The following ADGRG6 variants were observed in gnomAD, a reference collection of about 807,000 sequenced individuals.
ADGRG6 encodes G-protein coupled receptor 126.
A neutral mutation model predicts 142.4 loss-of-function variants in ADGRG6; 84 were observed. That is an observed-to-expected ratio of 0.59 (90% CI 0.49 to 0.71). ADGRG6 has a LOEUF of 0.71. ADGRG6 is among the 30% of genes least tolerant of loss of function. The pLI, the probability that ADGRG6 is intolerant of heterozygous loss-of-function variation, is 0.00. For missense variants in ADGRG6, 1,367 were observed against 1,466.6 expected (o/e 0.93, Z 1.11); for synonymous variants, 521 against 520.5 (o/e 1.00, Z -0.01).
chr6:142,371,267 A>G (rs1184378624), intron 4 of ADGRG6, among the ~76,000 whole-genome samples: 1 of 150,708 alleles, frequency 6.6e-6, no homozygotes, highest in African/African-American at 2.4e-5. Flanking sequence ...GGTTTAAGAA[A>G]TTCTCATGCC....
chr6:142,419,018 G>C (rs991733461), intron 21 of ADGRG6, among the ~76,000 whole-genome samples: 3 of 151,954 alleles, frequency 2.0e-5, no homozygotes, highest in Non-Finnish European at 4.4e-5. Context: ...TGTAATCATT[G>C]TAAGCTACGT....
intron 1 of ADGRG6, among the ~76,000 whole-genome samples, chr6:142,303,765 GA>G (rs1426310681): frequency 2.6e-5 from 4 of 151,548 alleles, no homozygotes; most frequent in Non-Finnish European, 4.4e-5. Flanking sequence ...GATCTTATGA[GA>G]AAAAAAGCAT....
chr6:142,307,843 T>TTAATTTTAGTTTAGAA (rs1352537744), intron 1 of ADGRG6, among the ~76,000 whole-genome samples: 4 of 152,050 alleles, frequency 2.6e-5, no homozygotes, highest in African/African-American at 9.7e-5. Context: ...TGGTTTCGAA[T>TTAATTTTAGTTTAGAA]TTTCCTAGTT....
intron 7 of ADGRG6, 100 bp from the exon 8 acceptor site, chr6:142,392,848 G>C: frequency 1.3e-6 from 1 of 753,960 alleles, no homozygotes; most frequent in African/African-American, 1.7e-5. Context: ...ATTTTCCCAG[G>C]GTCTTATCTC....
intron 2 of ADGRG6, among the ~76,000 whole-genome samples, chr6:142,336,115 G>A (rs919285931): frequency 6.6e-6 from 1 of 152,144 alleles, no homozygotes; most frequent in Admixed American, 6.5e-5. Flanking sequence ...GTGCCTCTCT[G>A]TGTGCAGGTC....
intron 6 of ADGRG6, among the ~76,000 whole-genome samples, chr6:142,384,811 G>C (rs946845408): frequency 2.6e-5 from 4 of 152,012 alleles, no homozygotes; most frequent in African/African-American, 9.7e-5. Context: ...AATTTCCTCT[G>C]TAGGACATTT....
At chr6:142,400,429 C>T (rs957275629) in intron 10 of ADGRG6, 56 bp from the exon 11 acceptor site, 1 of 858,616 alleles carries the variant, frequency 1.2e-6, no homozygotes, top group African/African-American at 1.7e-5. Flanking sequence ...CATCTCTAAT[C>T]TCTAACTTTA....
In ADGRG6 at chr6:142,302,347, C is replaced by G. The variant is rs770793393; in HGVS notation, c.2+16C>G. On this transcript the variant is annotated intron_variant, in intron 1 of 24. Coordinates refer to ENST00000367609, the MANE Select transcript of ADGRG6 (RefSeq NM_198569.3). The stretch of plus-strand genomic sequence containing the variant: ...ATGTCAACATGTAAGTCTCACCTTT[C>G]AGCTTGGAATTCCTTCACTCTTTTA... 1.2e-6 allele frequency: 2 copies of G among 1,612,206 alleles called. No homozygotes were observed. Among genetic ancestry groups the G allele is most frequent in the African/African-American group, 2.7e-5 (2 of 74,834 alleles).
At chr6:142,347,344 G>T (rs1200050517) in intron 2 of ADGRG6, among the ~76,000 whole-genome samples, 2 of 152,068 alleles carry the variant, frequency 1.3e-5, no homozygotes, top group African/African-American at 4.8e-5. Context: ...TCACTGTATT[G>T]GGACTATCTC....
chr6:142,443,321 G>T lies in ADGRG6; in HGVS notation c.3575-16G>T. ...CAGCTCATCTTGAACCTAATTTCTTGTATCATTTCTTGCAGACAGTGCTTC... is the reference window on the plus strand; with the variant it reads ...CAGCTCATCTTGAACCTAATTTCTTTTATCATTTCTTGCAGACAGTGCTTC... On this transcript the variant is annotated splice_polypyrimidine_tract_variant and intron_variant, in intron 24 of 24. Transcript: ENST00000367609. The T allele has an allele frequency of 3.8e-6, 6 of 1,596,754 alleles. No individual in the cohort carries two copies. Among genetic ancestry groups the T allele is most frequent in the Non-Finnish European group, 5.1e-6 (6 of 1,168,764 alleles).
chr6:142,365,665 G>A (rs1215285745), intron 2 of ADGRG6, among the ~76,000 whole-genome samples: 1 of 152,130 alleles, frequency 6.6e-6, no homozygotes, highest in Non-Finnish European at 1.5e-5. Context: ...CTTCGGTCTT[G>A]TACAAGATGT....
chr6:142,395,494 C>T (rs1222072263), intron 9 of ADGRG6, among the ~76,000 whole-genome samples: 1 of 152,148 alleles, frequency 6.6e-6, no homozygotes, highest in Non-Finnish European at 1.5e-5. Flanking sequence ...CTTCTACTAC[C>T]TGGTGATACT....
intron 14 of ADGRG6, chr6:142,404,230 G>C (rs1048650078): frequency 4.4e-5 from 19 of 436,162 alleles, no homozygotes; most frequent in African/African-American, 3.9e-4. Flanking sequence ...ATGAGTAGGG[G>C]CCACCATACT....
At chr6:142,360,005 A>G (rs1780639675) in intron 2 of ADGRG6, among the ~76,000 whole-genome samples, 1 of 152,182 alleles carries the variant, frequency 6.6e-6, no homozygotes, top group Non-Finnish European at 1.5e-5. Context: ...TCCAAGAGAG[A>G]AAGGATGAGA....
intron 22 of ADGRG6, among the ~76,000 whole-genome samples, chr6:142,425,746 G>T (rs563068519): frequency 5.3e-5 from 8 of 152,164 alleles, no homozygotes; most frequent in African/African-American, 1.9e-4. Flanking sequence ...ACCAGAGACT[G>T]GGCAATTTAC....
chr6:142,383,917 A>G (rs939267504), intron 6 of ADGRG6, 74 bp downstream of exon 6: 5 of 770,638 alleles, frequency 6.5e-6, no homozygotes, highest in Admixed American at 2.0e-5. Context: ...GGAAATATGT[A>G]TTATTCCAAC....
At chr6:142,400,637 A>G in intron 11 of ADGRG6, 41 bp downstream of exon 11, 2 of 1,003,236 alleles carry the variant, frequency 2.0e-6, no homozygotes, top group East Asian at 2.4e-5. Context: ...GCTACATGTT[A>G]TCAGCCTTCC....
intron 4 of ADGRG6, among the ~76,000 whole-genome samples, chr6:142,377,491 A>G (rs554156407): frequency 4.6e-5 from 7 of 152,322 alleles, no homozygotes; most frequent in African/African-American, 1.4e-4. Flanking sequence ...TGATGTAAAC[A>G]CTTGTGGGGC....
intron 6 of ADGRG6, among the ~76,000 whole-genome samples, chr6:142,387,734 A>G (rs537007398): frequency 3.9e-5 from 6 of 152,324 alleles, no homozygotes; most frequent in African/African-American, 1.4e-4. Flanking sequence ...GAAGATAAAA[A>G]AGGGAAAGAT....
Sources: allele counts gnomAD v4.1 joint callset (sites outside exome capture counted in the v4.1 genomes callset), GRCh38; gene constraint gnomAD v4.1.1; transcripts MANE v1.5; gene names NCBI Gene and HGNC (gene_info 2026-07-23, HGNC 2026-07-21).